CWC15: variants seen among roughly 807,000 people sequenced by gnomAD.
CWC15 encodes spliceosome-associated protein CWC15 homolog.
Under a neutral mutation model 28.4 loss-of-function variants are expected in CWC15, and 12 were observed. The ratio of observed to expected loss-of-function variants is 0.42; its 90% CI spans 0.27 to 0.69. CWC15 has a LOEUF of 0.69. Ranked by LOEUF, CWC15 falls within the 30% of genes least tolerant of loss-of-function variation. The probability of loss-of-function intolerance (pLI) is 0.23; values close to 1 mark genes in which losing one functional copy is unlikely to be tolerated. For missense variants in CWC15, 192 were observed against 271.5 expected, an observed-to-expected ratio of 0.71 and a Z score of 2.06; for synonymous variants, 92 against 88.4, an observed-to-expected ratio of 1.04 and a Z score of -0.23.
intron 6 of CWC15, among the ~76,000 whole-genome samples, chr11:94,965,769 T>C (rs1857631440): frequency 6.6e-6 from 1 of 152,192 alleles, no homozygotes; most frequent in Admixed American, 6.5e-5. Flanking sequence ...GGGGAAACAA[T>C]GTGCTGTGTG....
chr11:94,970,140 C>T (rs1248444847), intron 4 of CWC15, 44 bp from the exon 5 acceptor site: 4 of 1,018,560 alleles, frequency 3.9e-6, no homozygotes, highest in Admixed American at 2.3e-5. Flanking sequence ...GGAAAATACA[C>T]ACTACCAAAA....
intron 6 of CWC15, 93 bp from the exon 7 acceptor site, chr11:94,963,607 A>G: frequency 9.9e-7 from 1 of 1,011,660 alleles, no homozygotes; most frequent in Non-Finnish European, 1.4e-6. Context: ...AGTTACACAG[A>G]AAGATGCTCA....
intron 4 of CWC15, chr11:94,970,315 A>T (rs587727722): frequency 2.5e-6 from 1 of 394,388 alleles, no homozygotes; most frequent in Admixed American, 4.4e-5. Context: ...TTCAGTTGAA[A>T]TTAGGTTTCC....
At chr11:94,973,046 T>TTG (rs1857748414) in intron 1 of CWC15, among the ~76,000 whole-genome samples, 1 of 80,572 alleles carries the variant, frequency 1.2e-5, no homozygotes, top group Non-Finnish European at 2.5e-5. Context: ...GGAGGATTTT[T>TTG]TGGGGGGGGG....
chr11:94,973,294 AGGCGAGCT>A (rs879988856), intron 1 of CWC15, 196 bp downstream of exon 1: 92,298 of 151,916 alleles, frequency 0.61, 28,664 homozygotes, highest in Middle Eastern at 0.73. Context: ...TTTACGCAGT[AGGCGAGCT>A]GCCTGTACGC....
chr11:94,968,975 TAACATGTTCAA>T (rs1270788225), intron 5 of CWC15, among the ~76,000 whole-genome samples: 5 of 152,188 alleles, frequency 3.3e-5, no homozygotes, highest in Admixed American at 3.3e-4. Flanking sequence ...GTGTCAAATT[TAACATGTTCAA>T]AACAGAACTC....
At chr11:94,970,750 C>A (rs1235273569) in intron 4 of CWC15, 2 of 520,240 alleles carry the variant, frequency 3.8e-6, no homozygotes, top group African/African-American at 3.8e-5. Flanking sequence ...TTATAGATTC[C>A]TTCCATATTT....
At chr11:94,964,759 T>C (rs1457176448) in intron 6 of CWC15, among the ~76,000 whole-genome samples, 6 of 152,220 alleles carry the variant, frequency 3.9e-5, no homozygotes, top group South Asian at 2.1e-4. Flanking sequence ...TCAATCAATA[T>C]TTATCAGGCA....
intron 4 of CWC15, 63 bp downstream of exon 4, chr11:94,970,911 TAAC>T (rs1857710417): frequency 5.4e-6 from 7 of 1,285,256 alleles, no homozygotes; most frequent in African/African-American, 1.5e-5. Context: ...AGCAAAGACA[TAAC>T]AAGTATTTTA....
intron 5 of CWC15, 35 bp from the exon 6 acceptor site, chr11:94,966,448 T>C: frequency 7.2e-7 from 1 of 1,394,178 alleles, no homozygotes; most frequent in South Asian, 1.3e-5. Context: ...CACTTACTTA[T>C]TTTAACTCTG....
At chr11:94,971,274 T>C in intron 3 of CWC15, 101 bp downstream of exon 3, 2 of 1,062,122 alleles carry the variant, frequency 1.9e-6, no homozygotes, top group East Asian at 5.1e-5. Flanking sequence ...CACATCAATC[T>C]GTAAAAGTAA....
At chr11:94,963,636 G>T in intron 6 of CWC15, 122 bp from the exon 7 acceptor site, 1 of 673,114 alleles carries the variant, frequency 1.5e-6, no homozygotes, top group Non-Finnish European at 2.2e-6. Flanking sequence ...ATCATCTGAT[G>T]CAGCAATTAC....
chr11:94,966,224 T>TATACAC (rs1360736238), intron 6 of CWC15, 71 bp downstream of exon 6: 3 of 734,106 alleles, frequency 4.1e-6, no homozygotes, highest in Non-Finnish European at 6.4e-6. Flanking sequence ...CACATACACA[T>TATACAC]ATACACACAC....
chr11:94,973,023 G>C (rs1287677645), intron 1 of CWC15, among the ~76,000 whole-genome samples: 1 of 148,974 alleles, frequency 6.7e-6, no homozygotes, highest in Admixed American at 6.8e-5. Context: ...GTGTGGGGAG[G>C]GTGGGCGAAT....
chr11:94,969,002 C>A (rs587738848), intron 5 of CWC15, among the ~76,000 whole-genome samples: 3 of 152,246 alleles, frequency 2.0e-5, no homozygotes, highest in Non-Finnish European at 4.4e-5. Flanking sequence ...AACTCATCAA[C>A]TACCTCTTCT....
chr11:94,963,545 A>C (rs1555094739), intron 6 of CWC15, 31 bp from the exon 7 acceptor site: 1 of 1,537,920 alleles, frequency 6.5e-7, no homozygotes, highest in East Asian at 2.4e-5. Flanking sequence ...AGAACGTCTG[A>C]AAATGTTTGT....
In CWC15 at chr11:94,971,424, T is replaced by C. The variant is rs1555096213; in HGVS notation, c.195A>G (p.Glu65=). ...RNRDFRRELE[E]RERAAAREKN... is the part of the protein sequence containing the mutation. ...TCTCTCTTGCAGCAGCTCTCTCTCT[T>C]TCTTCCAACTCTCTCCTGAAGTCAC... is the stretch of plus-strand genomic sequence containing the variant. The change falls in exon 3 of 7, where the codon GAA becomes GAG. Residue 65 remains glutamate, a synonymous_variant. Coordinates refer to ENST00000279839, the MANE Select transcript of CWC15 (RefSeq NM_016403.4). 8 of 1,613,116 alleles carry C rather than the reference T, an allele frequency of 5.0e-6. No homozygotes were observed. The highest frequency in any genetic ancestry group is 5.9e-6 in the Non-Finnish European group (7 of 1,179,528).
rs1857637164 is a variant in CWC15, at chr11:94,966,195, C to T, written c.560+100G>A. On this transcript the variant is annotated intron_variant, in intron 6 of 6. Coordinates refer to ENST00000279839, the MANE Select transcript of CWC15 (RefSeq NM_016403.4). ...TGCACCTTGCTATCCAACTTATAATCTGCATGCCTGTGTGTATACACATAC... is the reference window on the plus strand; with the variant it reads ...TGCACCTTGCTATCCAACTTATAATTTGCATGCCTGTGTGTATACACATAC... 37 of 697,056 alleles carry T rather than the reference C, an allele frequency of 5.3e-5. No individual in the cohort carries two copies. The South Asian group carries it at 8.3e-4, about 16-fold the overall frequency. The allele number at this position is 697,056 out of a possible 1,614,324, so 43.2% of individuals were successfully genotyped here.
At chr11:94,965,305 T>C (rs1024352884) in intron 6 of CWC15, among the ~76,000 whole-genome samples, 2 of 152,260 alleles carry the variant, frequency 1.3e-5, no homozygotes, top group Admixed American at 6.5e-5. Flanking sequence ...CGAATGCATA[T>C]AAAATAACAA....
Sources: gnomAD v4.1 joint callset for allele counts (sites outside exome capture counted in the v4.1 genomes callset) on GRCh38, gnomAD v4.1.1 for gene constraint, MANE v1.5 for transcripts, NCBI Gene and HGNC (gene_info 2026-07-23, HGNC 2026-07-21) for gene names.